The following DDX11 variants were observed in gnomAD, a reference collection of about 807,000 sequenced individuals.
The protein encoded by DDX11 is ATP-dependent DNA helicase DDX11.
DDX11 carries 72 observed loss-of-function variants against 125.2 expected under a neutral mutation model. That is an observed-to-expected ratio of 0.58 (90% CI 0.48 to 0.70). The LOEUF (loss-of-function observed/expected upper bound fraction) is 0.70, where lower values mean the gene tolerates loss of function less well. Ranked by LOEUF, DDX11 falls within the 30% of genes least tolerant of loss-of-function variation. DDX11 has a pLI of 0.00. For synonymous variants in DDX11, 347 were observed against 452.6 expected, an observed-to-expected ratio of 0.77 and a Z score of 2.96; for missense variants, 883 against 1,165.0, an observed-to-expected ratio of 0.76 and a Z score of 3.52.
chr12:31,092,827 G>A lies in DDX11; in HGVS notation c.1243-19G>A. 1.2e-6 allele frequency: 2 copies of A among 1,613,604 alleles called. No individual in the cohort carries two copies. ...CCCTCAGCTGCTTGCTCAGAGCCTG[G>A]TTTGTGTTCTTTCCCCAGCTCTGCC... On this transcript the variant is annotated intron_variant, in intron 10 of 26. Transcript: ENST00000542838.
intron 2 of DDX11, among the ~76,000 whole-genome samples, chr12:31,081,509 A>G (rs1489708990): frequency 3.3e-5 from 5 of 151,806 alleles, no homozygotes; most frequent in Non-Finnish European, 5.9e-5. Context: ...CTTGTGTAAT[A>G]CTGCAGTTCC....
chr12:31,102,456 A>G lies in DDX11; in HGVS notation c.2301A>G (p.Thr767=), dbSNP rs1946561379. 1 of 1,613,904 alleles carries G rather than the reference A, an allele frequency of 6.2e-7. No individual in the cohort carries two copies. Among genetic ancestry groups the G allele is most frequent in the Non-Finnish European group, 8.5e-7 (1 of 1,179,964 alleles). ...GTGGCCAGGAGAGAGGCCAGGTGAC[A>G]GGGGCCCTGCTCCTCTCTGTGGTTG... ...QACGQERGQV[T]GALLLSVVGG... The change falls in exon 23 of 27, where the codon ACA becomes ACG. Residue 767 remains threonine (T), a synonymous_variant. Transcript: ENST00000542838.
intron 1 of DDX11, among the ~76,000 whole-genome samples, chr12:31,075,618 T>C (rs1265385448): frequency 3.3e-5 from 5 of 152,158 alleles, no homozygotes; most frequent in Non-Finnish European, 7.3e-5. Context: ...TAATAGGTAT[T>C]CAAGTCATGG....
chr12:31,101,858 G>A lies in DDX11; in HGVS notation c.2078G>A (p.Cys693Tyr), dbSNP rs1946437475. The A allele has an allele frequency of 6.2e-7, 1 of 1,613,846 alleles. No individual in the cohort carries two copies. The highest frequency in any genetic ancestry group is 8.5e-7 in the Non-Finnish European group (1 of 1,179,866). The change falls in exon 21 of 27, where the codon TGT (cysteine) becomes TAT (tyrosine). Residue 693 changes from cysteine (C) to tyrosine (Y), a missense_variant. Physicochemically the swap from Cys to Tyr is radical, Grantham distance 194. This residue lies in a region of DDX11 where 285 missense variants were observed against 346.0 expected (regional missense o/e 0.82). Transcript: ENST00000542838. The stretch of plus-strand genomic sequence containing the variant: ...ATGGACGAGGTGGGTCGCATTCTCT[G>A]TAACCTGTGCGGTGTGGTTCCTGGA... ...QMMDEVGRIL[C>Y]NLCGVVPGGV... is the part of the protein sequence containing the mutation.
At chr12:31,094,685 G>A (rs1386652412) in intron 13 of DDX11, 51 bp downstream of exon 13, 1 of 1,547,058 alleles carries the variant, frequency 6.5e-7, no homozygotes, top group South Asian at 1.2e-5. Flanking sequence ...CCACTTCCGA[G>A]CTTAACCCTG....
intron 2 of DDX11, among the ~76,000 whole-genome samples, chr12:31,081,881 C>T (rs1285848604): frequency 1.7e-5 from 2 of 116,716 alleles, no homozygotes; most frequent in African/African-American, 3.8e-5. Flanking sequence ...ATAACTTTGA[C>T]CATACCCTTA....
chr12:31,096,289 T>A (rs1038709211), intron 14 of DDX11, 52 bp from the exon 15 acceptor site: 1 of 1,430,448 alleles, frequency 7.0e-7, no homozygotes, highest in Non-Finnish European at 9.7e-7. Flanking sequence ...TTTTTAAGAT[T>A]ATAGCTTGCT....
At chr12:31,094,343 T>G (rs1207414076) in intron 12 of DDX11, 3 of 519,046 alleles carry the variant, frequency 5.8e-6, no homozygotes, top group African/African-American at 1.9e-5. Flanking sequence ...GGAGAAGGGG[T>G]GAAAAACATG....
In DDX11 at chr12:31,078,628, T is replaced by A. The variant is rs1337818749; in HGVS notation, c.144+91T>A. On this transcript the variant is annotated intron_variant, in intron 2 of 26. Coordinates refer to ENST00000542838, the MANE Select transcript of DDX11 (RefSeq NM_030653.4). ...TTTGCCTATCCAGAGATTTTCATAG[T>A]TTGAAGTTGGGCAGAGTAGTCTCTG... The A allele has an allele frequency of 8.1e-6, 13 of 1,601,124 alleles. No homozygotes were observed. In the South Asian group the frequency reaches 1.3e-4, roughly 16 times the overall value.
At chr12:31,078,895 G>A (rs1018085150) in intron 2 of DDX11, among the ~76,000 whole-genome samples, 1 of 152,078 alleles carries the variant, frequency 6.6e-6, no homozygotes, top group Non-Finnish European at 1.5e-5. Context: ...CACCGTGTTA[G>A]CCAGGATGAT....
At chr12:31,081,224 T>C (rs1256678670) in intron 2 of DDX11, among the ~76,000 whole-genome samples, 1 of 152,236 alleles carries the variant, frequency 6.6e-6, no homozygotes, top group East Asian at 1.9e-4. Context: ...TGTGGCTTTA[T>C]TACCTTTGAC....
chr12:31,082,590 A>C (rs1413702958), intron 2 of DDX11, among the ~76,000 whole-genome samples: 1 of 151,946 alleles, frequency 6.6e-6, no homozygotes, highest in African/African-American at 2.4e-5. Flanking sequence ...CAGAGAGCTG[A>C]CTGCCTGGAG....
In DDX11 at chr12:31,103,712, C is replaced by T; in HGVS notation, c.2672C>T (p.Ala891Val). The change falls in exon 26 of 27, where the codon GCC becomes GTC. Residue 891 changes from alanine to valine, a missense_variant. Around this residue, in one of 5 missense-constraint regions of DDX11, gnomAD observed 285 missense variants for 346.0 expected, o/e 0.82. Transcript: ENST00000542838. ...GAGGTCAAAGCTACCTTTGGCCCCGCCATTGCTGCTGTGCAGAAGGTCAGT... is the reference window on the plus strand; with the variant it reads ...GAGGTCAAAGCTACCTTTGGCCCCGTCATTGCTGCTGTGCAGAAGGTCAGT... ...RVEVKATFGP[A>V]IAAVQKFHRE... The T allele has an allele frequency of 6.2e-7, 1 of 1,613,862 alleles. No homozygotes were observed. Among genetic ancestry groups the T allele is most frequent in the Non-Finnish European group, 8.5e-7 (1 of 1,179,972 alleles).
rs57613590 is a variant in DDX11, at chr12:31,075,676, G to A, written c.-5+1585G>A. Among the ~76,000 whole-genome samples, 737 of 152,306 alleles carry A rather than the reference G, an allele frequency of 4.8e-3. 9 individuals are homozygous for A. Among genetic ancestry groups the A allele is most frequent in the African/African-American group, 0.017 (705 of 41,562 alleles). On this transcript the variant is annotated intron_variant, in intron 1 of 26. Transcript: ENST00000542838. ...AAGAGAAACCTTCACTTACAGCCCC[G>A]ATGTCTGGCTGGCTACTCATTCGTT...
At chr12:31,101,391 A>C (rs1238269875) in intron 20 of DDX11, 1 of 557,496 alleles carries the variant, frequency 1.8e-6, no homozygotes, top group Non-Finnish European at 3.2e-6. Flanking sequence ...CGCCTCACAC[A>C]GGAGAAAGCT....
intron 3 of DDX11, among the ~76,000 whole-genome samples, chr12:31,084,291 C>T (rs567351804): frequency 1.3e-5 from 2 of 152,330 alleles, no homozygotes; most frequent in African/African-American, 4.8e-5. Flanking sequence ...ATTTATTACT[C>T]ACCTGGGAAA....
intron 23 of DDX11, 44 bp downstream of exon 23, chr12:31,102,571 C>G: frequency 1.3e-6 from 2 of 1,573,234 alleles, no homozygotes; most frequent in East Asian, 4.5e-5. Context: ...GATACATGGC[C>G]GGCCCTCACT....
In DDX11 at chr12:31,093,152, T is replaced by C. The variant is rs531346334; in HGVS notation, c.1290-93T>C. On this transcript the variant is annotated intron_variant, in intron 11 of 26. Transcript: ENST00000542838. ...AGGATTTGTAGCTTGTGACCCAGTT[T>C]GAGAGGCACCGGGCAGCAAGGCTTC... 4,291 of 1,368,260 alleles carry C rather than the reference T, an allele frequency of 3.1e-3. 11 individuals are homozygous for C. Among genetic ancestry groups the C allele is most frequent in the Non-Finnish European group, 4.1e-3 (4,017 of 982,918 alleles). The allele number at this position is 1,368,260 out of a possible 1,614,324, so 84.8% of individuals were successfully genotyped here.
intron 1 of DDX11, among the ~76,000 whole-genome samples, chr12:31,077,552 G>T (rs2140388744): frequency 6.6e-6 from 1 of 152,124 alleles, no homozygotes; most frequent in South Asian, 2.1e-4. Context: ...ATACTTGTAA[G>T]ATAAGGACGT....
Sources: gnomAD v4.1 joint callset for allele counts (sites outside exome capture counted in the v4.1 genomes callset) on GRCh38, gnomAD v4.1.1 for gene constraint, gnomAD v4.1.1 regional missense constraint, MANE v1.5 for transcripts, NCBI Gene and HGNC (gene_info 2026-07-23, HGNC 2026-07-21) for gene names.